Variants in ZC3H14 observed in about 807,000 individuals in gnomAD.
ZC3H14 encodes zinc finger CCCH domain-containing protein 14.
ZC3H14 carries 31 observed loss-of-function variants against 92.4 expected under a neutral mutation model. The ratio of observed to expected loss-of-function variants is 0.34; its 90% CI spans 0.25 to 0.45. The LOEUF is 0.45. Among genes scored for constraint, ZC3H14 ranks in the 20% least tolerant of loss-of-function variants. The pLI, the probability that ZC3H14 is intolerant of heterozygous loss-of-function variation, is 1.00. For synonymous variants in ZC3H14, 321 were observed against 300.9 expected, an observed-to-expected ratio of 1.07 and a Z score of -0.69; for missense variants, 781 against 897.3, an observed-to-expected ratio of 0.87 and a Z score of 1.66.
intron 16 of ZC3H14, 71 bp downstream of exon 16, chr14:88,611,011 T>C: frequency 6.9e-7 from 1 of 1,459,174 alleles, no homozygotes; most frequent in Non-Finnish European, 9.6e-7. Flanking sequence ...TCTAAATTTA[T>C]AAGCACACAA....
At chr14:88,609,094 T>A in intron 13 of ZC3H14, 173 bp from the exon 14 acceptor site, 1 of 777,520 alleles carries the variant, frequency 1.3e-6, no homozygotes, top group Non-Finnish European at 2.0e-6. Flanking sequence ...TTGGAATAAA[T>A]GATTGTGTCC....
intron 12 of ZC3H14, among the ~76,000 whole-genome samples, chr14:88,606,747 TAAAAAAAAA>T (rs34408574): frequency 1.0e-5 from 1 of 95,870 alleles, no homozygotes; most frequent in Non-Finnish European, 1.9e-5. Flanking sequence ...GACCCTGTCG[TAAAAAAAAA>T]AAAAAAAAAA....
rs1355339142 is a variant in ZC3H14, at chr14:88,612,521, A to T, written c.*770A>T. 1 of 152,480 alleles carries T rather than the reference A, an allele frequency of 6.6e-6. No homozygotes were observed. Among genetic ancestry groups the T allele is most frequent in the Non-Finnish European group, 1.5e-5 (1 of 68,032 alleles). 9.4% of individuals were successfully genotyped at this position (152,480 alleles called of 1,614,324 possible). ...CACAAAATTATACAAATTTTTTTACAAGTATTTACATACTGTATCTGAAAA... is the reference window on the plus strand; with the variant it reads ...CACAAAATTATACAAATTTTTTTACTAGTATTTACATACTGTATCTGAAAA... On this transcript the variant is annotated 3_prime_UTR_variant, in exon 17 of 17. Transcript: ENST00000251038.
At position 88,573,496 on chromosome 14, in the gene ZC3H14, C is replaced by T. The variant is rs183732506; in HGVS notation, c.861+489C>T. Among the ~76,000 whole-genome samples, 62 of 152,058 alleles carry T rather than the reference C, an allele frequency of 4.1e-4. No homozygotes were observed. The East Asian group carries it at 0.01, about 25-fold the overall frequency. ...TTGCCCAGGCTGGAGTGTGATGGCGCGATCTCAACTCACTGCAACCTCCAC... is the reference window on the plus strand; with the variant it reads ...TTGCCCAGGCTGGAGTGTGATGGCGTGATCTCAACTCACTGCAACCTCCAC... On this transcript the variant is annotated intron_variant, in intron 6 of 16. Coordinates refer to ENST00000251038, the MANE Select transcript of ZC3H14 (RefSeq NM_024824.5).
chr14:88,622,240 T>C lies in ZC3H14; in HGVS notation c.*10489T>C. Reference sequence around the variant, plus strand: ...TTTTTTATGGCTGAGTAGTATTTCATTGTTTGTTTACTGCACGTTTTATCT... The same window carrying C: ...TTTTTTATGGCTGAGTAGTATTTCACTGTTTGTTTACTGCACGTTTTATCT... On this transcript the variant is annotated 3_prime_UTR_variant, in exon 17 of 17. Transcript: ENST00000251038. 5.6e-6 allele frequency: 1 copy of C among 178,088 alleles called. No individual in the cohort carries two copies. Among genetic ancestry groups the C allele is most frequent in the African/African-American group, 2.3e-5 (1 of 42,658 alleles). 11.0% of individuals were successfully genotyped at this position (178,088 alleles called of 1,614,324 possible).
intron 1 of ZC3H14, 126 bp downstream of exon 1, chr14:88,563,295 CT>C: frequency 6.5e-7 from 1 of 1,529,842 alleles, no homozygotes; most frequent in Non-Finnish European, 8.8e-7. Context: ...TCCTGGCGGG[CT>C]GCGGCTCCTC....
intron 9 of ZC3H14, among the ~76,000 whole-genome samples, chr14:88,585,550 T>C (rs2082373103): frequency 6.6e-6 from 1 of 152,094 alleles, no homozygotes. Flanking sequence ...CTAATTTTTG[T>C]ATTTTTAATA....
chr14:88,563,556 C>T, intron 1 of ZC3H14, 95 bp from the exon 2 acceptor site: 2 of 1,581,680 alleles, frequency 1.3e-6, no homozygotes, highest in Non-Finnish European at 1.7e-6. Flanking sequence ...ATCCGAGGTG[C>T]GCGCACCAGC....
chr14:88,598,182 G>A (rs979281382), intron 10 of ZC3H14, among the ~76,000 whole-genome samples: 1 of 152,124 alleles, frequency 6.6e-6, no homozygotes, highest in Non-Finnish European at 1.5e-5. Context: ...GGAGCACTCA[G>A]AAGGTCACTG....
At chr14:88,581,968 T>A (rs1391514660) in intron 9 of ZC3H14, among the ~76,000 whole-genome samples, 1 of 152,218 alleles carries the variant, frequency 6.6e-6, no homozygotes, top group African/African-American at 2.4e-5. Flanking sequence ...GGTAACCCCA[T>A]AGGACAGGAG....
At chr14:88,597,283 C>T (rs926103713) in intron 10 of ZC3H14, among the ~76,000 whole-genome samples, 1 of 152,188 alleles carries the variant, frequency 6.6e-6, no homozygotes, top group African/African-American at 2.4e-5. Context: ...TTCCTCTCCC[C>T]ACAGACACAC....
chr14:88,591,780 C>T (rs1191516153), intron 9 of ZC3H14: 2 of 152,166 alleles, frequency 1.3e-5, no homozygotes, highest in Non-Finnish European at 2.9e-5. Flanking sequence ...CACACACACA[C>T]ATGTACATAT....
intron 2 of ZC3H14, among the ~76,000 whole-genome samples, chr14:88,565,605 G>A (rs1312324098): frequency 6.6e-6 from 1 of 152,064 alleles, no homozygotes; most frequent in South Asian, 2.1e-4. Context: ...CTCTGGGGTG[G>A]GTCAGTGGAT....
chr14:88,565,012 C>A (rs947707800), intron 2 of ZC3H14, among the ~76,000 whole-genome samples: 3 of 152,030 alleles, frequency 2.0e-5, no homozygotes, highest in Non-Finnish European at 2.9e-5. Flanking sequence ...GTCTTTGTTG[C>A]CAATCACATG....
chr14:88,574,646 T>C (rs894102959), intron 6 of ZC3H14, 47 bp from the exon 7 acceptor site: 2 of 1,609,278 alleles, frequency 1.2e-6, no homozygotes, highest in Non-Finnish European at 1.7e-6. Flanking sequence ...GGTAGAACTC[T>C]TGTTATTTTC....
rs780454287 is a variant in ZC3H14 at position 88,616,708 on chromosome 14, A to C, written c.*4957A>C. 227 of 1,606,120 alleles carry C rather than the reference A, an allele frequency of 1.4e-4. No homozygotes were observed. The highest frequency in any genetic ancestry group is 1.9e-4 in the Non-Finnish European group (220 of 1,175,488). ...AATTAGGAGTAAACTGATAATAGTA[A>C]ACAAAACACAAACTTACAAATTTTT... On this transcript the variant is annotated 3_prime_UTR_variant, in exon 17 of 17. Coordinates refer to ENST00000251038, the MANE Select transcript of ZC3H14 (RefSeq NM_024824.5).
intron 9 of ZC3H14, among the ~76,000 whole-genome samples, chr14:88,584,054 A>T (rs1484377571): frequency 9.3e-6 from 1 of 107,582 alleles, no homozygotes; most frequent in African/African-American, 2.8e-5. Flanking sequence ...ATCTTGATTT[A>T]TGACCCTCTG....
Position 88,627,137 on chromosome 14 carries a change from A to C in ZC3H14, c.*15386A>C. The C allele has an allele frequency of 7.3e-7, 1 of 1,367,998 alleles. No homozygotes were observed. Among genetic ancestry groups the C allele is most frequent in the South Asian group, 1.2e-5 (1 of 81,622 alleles). The allele number at this position is 1,367,998 out of a possible 1,614,324, so 84.7% of individuals were successfully genotyped here. A position where few individuals can be genotyped will look rare whatever the true frequency, so the allele number is the denominator to read the frequency against. On this transcript the variant is annotated 3_prime_UTR_variant, in exon 17 of 17. Transcript: ENST00000251038. ...AATATGTAAAATACATAGTTCAAAA[A>C]ACAAAGGCTTAGAAGAGAGGCCAAT...
At chr14:88,563,307 C>G in intron 1 of ZC3H14, 138 bp downstream of exon 1, 1 of 1,523,840 alleles carries the variant, frequency 6.6e-7, no homozygotes, top group Non-Finnish European at 8.8e-7. Flanking sequence ...GCGGCTCCTC[C>G]TCGTCCAGGC....
Sources: allele counts gnomAD v4.1 joint callset (sites outside exome capture counted in the v4.1 genomes callset), GRCh38; gene constraint gnomAD v4.1.1; transcripts MANE v1.5; gene names NCBI Gene and HGNC (gene_info 2026-07-23, HGNC 2026-07-21).